MCM10: variants seen among roughly 807,000 people sequenced by gnomAD.
MCM10 encodes the protein minichromosome maintenance 10 replication initiation factor.
Under a neutral mutation model 109.9 loss-of-function variants are expected in MCM10, and 91 were observed. The observed-to-expected ratio is 0.83, with a 90% CI of 0.70 to 0.99. The LOEUF is 0.99. MCM10 is among the 50% of genes least tolerant of loss of function. The probability of loss-of-function intolerance (pLI) is 0.00; values close to 1 mark genes in which losing one functional copy is unlikely to be tolerated. For synonymous variants in MCM10, 380 were observed against 387.2 expected (o/e 0.98, Z 0.22); for missense variants, 1,077 against 1,061.2 (o/e 1.01, Z -0.21).
intron 14 of MCM10, among the ~76,000 whole-genome samples, chr10:13,196,633 C>G (rs983350258): frequency 2.6e-5 from 4 of 152,104 alleles, no homozygotes; most frequent in African/African-American, 9.7e-5. Context: ...TTGCCTCAGC[C>G]TCCCGAATTG....
intron 15 of MCM10, 88 bp downstream of exon 15, chr10:13,197,855 A>G (rs1003932053): frequency 3.0e-6 from 4 of 1,329,424 alleles, no homozygotes; most frequent in Non-Finnish European, 4.1e-6. Flanking sequence ...CCAGATATCA[A>G]GCAATTACTT....
Position 13,204,222 on chromosome 10 carries a change from G to A in MCM10, c.2356G>A (p.Ala786Thr), listed in dbSNP as rs759917882. 1.3e-5 allele frequency: 21 copies of A among 1,613,970 alleles called. No individual in the cohort carries two copies. Among genetic ancestry groups the A allele is most frequent in the Middle Eastern group, 1.7e-4 (1 of 6,006 alleles). ...KCRVVTCKTC[A>T]YTHFKLLETC... ...GGTTTTTTGTTGCTCTGTGCAGTGCGCCTATACCCACTTCAAGCTGCTGGA... is the reference window on the plus strand; with the variant it reads ...GGTTTTTTGTTGCTCTGTGCAGTGCACCTATACCCACTTCAAGCTGCTGGA... The change falls in exon 18 of 20, where the codon GCC (alanine) becomes ACC (threonine). Residue 786 changes from alanine to threonine, a missense_variant. Ala to Thr is a moderately conservative substitution (Grantham distance 58). Transcript: ENST00000378714.
At chr10:13,176,549 C>G (rs1365594901) in intron 6 of MCM10, among the ~76,000 whole-genome samples, 1 of 152,154 alleles carries the variant, frequency 6.6e-6, no homozygotes, top group African/African-American at 2.4e-5. Context: ...CTGCTAAGCT[C>G]TTAAAGTATA....
rs56184428 is a variant in MCM10 at position 13,167,585 on chromosome 10, C to CGGG, written c.8-3331_8-3329dup. ...TAACAGTAGAGATGGAGGGGAGGACCGGGGGGGGCATGCATGATACACATA... is the reference window on the plus strand; with the variant it reads ...TAACAGTAGAGATGGAGGGGAGGACCGGGGGGGGGGGCATGCATGATACACATA... On this transcript the variant is annotated intron_variant, in intron 2 of 19. Coordinates refer to ENST00000378714, the MANE Select transcript of MCM10 (RefSeq NM_018518.5). Among the ~76,000 whole-genome samples, 155 of 145,448 alleles carry CGGG rather than the reference C, an allele frequency of 1.1e-3. 1 individual carries two copies. The highest frequency in any genetic ancestry group is 1.9e-3 in the Non-Finnish European group (124 of 67,016).
chr10:13,207,379 G>A (rs1886278), intron 18 of MCM10, among the ~76,000 whole-genome samples: 4 of 151,700 alleles, frequency 2.6e-5, no homozygotes, highest in African/African-American at 4.8e-5. Context: ...ATCATTGATC[G>A]ACATATAGGC....
rs1160176532 is a variant in MCM10, at chr10:13,182,591, C to T, written c.931-342C>T. On this transcript the variant is annotated intron_variant, in intron 7 of 19. Transcript: ENST00000378714. The surrounding 1 kb of genome is among the most constrained non-coding windows in gnomAD (Gnocchi z 4.2). ...TGGTACTGTCATACCTTCCACTGTC[C>T]TTTTAATGATGTGTGTGTGTGTCTC... Among the ~76,000 whole-genome samples, 1 of 152,004 alleles carries T rather than the reference C, an allele frequency of 6.6e-6. No homozygotes were observed. Among genetic ancestry groups the T allele is most frequent in the Non-Finnish European group, 1.5e-5 (1 of 67,996 alleles).
chr10:13,189,524 TGATG>T (rs1834320053), intron 10 of MCM10, among the ~76,000 whole-genome samples: 1 of 152,168 alleles, frequency 6.6e-6, no homozygotes, highest in Non-Finnish European at 1.5e-5. Context: ...GGTTTCACCA[TGATG>T]GCCAGGCTGG....
chr10:13,190,649 G>A (rs946366560), intron 10 of MCM10, among the ~76,000 whole-genome samples: 1 of 151,922 alleles, frequency 6.6e-6, no homozygotes, highest in African/African-American at 2.4e-5. Flanking sequence ...TTGCTCCACT[G>A]TACTCCAGGC....
chr10:13,200,739 C>T (rs1483207672), intron 16 of MCM10, among the ~76,000 whole-genome samples: 2 of 152,260 alleles, frequency 1.3e-5, no homozygotes, highest in Non-Finnish European at 2.9e-5. Context: ...CCTGGAATAC[C>T]TTGTGTATGT....
rs749460339 is a variant in MCM10 at position 13,188,861 on chromosome 10, C to A, written c.1216-20C>A. ...CAGCCTGTTGCCCTCATCCTGATGC[C>A]ACTGCTCTGCCTTTTGCAGCGTGAC... On this transcript the variant is annotated intron_variant, in intron 9 of 19. Coordinates refer to ENST00000378714, the MANE Select transcript of MCM10 (RefSeq NM_018518.5). The A allele has an allele frequency of 6.2e-7, 1 of 1,610,972 alleles. No individual in the cohort carries two copies. The highest frequency in any genetic ancestry group is 8.5e-7 in the Non-Finnish European group (1 of 1,177,222).
chr10:13,209,073 C>G lies in MCM10; in HGVS notation c.2499-18C>G, dbSNP rs1206633597. ...GCCTACACCACCCTGCTGAGTAAAT[C>G]CATCTGTTCTGTTTCAGTAACTGTG... On this transcript the variant is annotated intron_variant, in intron 18 of 19. Coordinates refer to ENST00000378714, the MANE Select transcript of MCM10 (RefSeq NM_018518.5). The G allele has an allele frequency of 4.4e-6, 7 of 1,602,882 alleles. No homozygotes were observed. The highest frequency in any genetic ancestry group is 6.0e-6 in the Non-Finnish European group (7 of 1,169,876).
At chr10:13,188,714 C>T (rs1379699941) in intron 9 of MCM10, among the ~76,000 whole-genome samples, 167 bp from the exon 10 acceptor site, 1 of 152,162 alleles carries the variant, frequency 6.6e-6, no homozygotes, top group Non-Finnish European at 1.5e-5. Context: ...AACTTCTTCC[C>T]CTCAGGGACT....
At position 13,171,148 on chromosome 10, in the gene MCM10, TG is replaced by T. The variant is rs2131558198; in HGVS notation, c.236del (p.Gly79GlufsTer6). 25 of 1,614,202 alleles carry T rather than the reference TG, an allele frequency of 1.5e-5. No individual in the cohort carries two copies. The highest frequency in any genetic ancestry group is 2.1e-5 in the Non-Finnish European group (25 of 1,180,030). ...DEKENLATLF[G>X]DMEDLTDEEE... ...AAAAGGAAAATCTGGCCACTCTCTT[TG>T]GAGATATGGAGGACTTAACAGATGA... On this transcript the variant is annotated frameshift_variant, in exon 3 of 20. Coordinates refer to ENST00000378714, the MANE Select transcript of MCM10 (RefSeq NM_018518.5). LOFTEE classifies it high-confidence loss of function.
At chr10:13,184,858 T>C (rs539517995) in intron 8 of MCM10, among the ~76,000 whole-genome samples, 2 of 152,292 alleles carry the variant, frequency 1.3e-5, no homozygotes, top group African/African-American at 4.8e-5. Context: ...TGCCAGTTTC[T>C]TGGAGAGGAA....
In MCM10 at chr10:13,171,232, C is replaced by G. The variant is rs138949311; in HGVS notation, c.318C>G (p.Pro106=). ...ATAGGGTCCTCCCTGCTCCTGCCCCCAGGCGAGAGAAAACGAATGAAGAGT... is the reference window on the plus strand; with the variant it reads ...ATAGGGTCCTCCCTGCTCCTGCCCCGAGGCGAGAGAAAACGAATGAAGAGT... The part of the protein sequence containing the change: ...TENRVLPAPA[P]RREKTNEELQ... The change falls in exon 3 of 20, where the codon CCC becomes CCG. Residue 106 remains proline, a synonymous_variant. Transcript: ENST00000378714. The G allele has an allele frequency of 1.9e-3, 3,131 of 1,612,024 alleles. 84 individuals carry two copies. The South Asian group carries it at 0.032, about 17-fold the overall frequency.
At position 13,182,250 on chromosome 10, in the gene MCM10, G is replaced by T. The variant is rs1241682475; in HGVS notation, c.931-683G>T. On this transcript the variant is annotated intron_variant, in intron 7 of 19. Coordinates refer to ENST00000378714, the MANE Select transcript of MCM10 (RefSeq NM_018518.5). The surrounding 1 kb of genome is among the most constrained non-coding windows in gnomAD (Gnocchi z 4.2). ...ACGCTTTGAGAGGATGGGGTGGGAGGATCACTTGAGCCCAGGAATTCATGA... is the reference window on the plus strand; with the variant it reads ...ACGCTTTGAGAGGATGGGGTGGGAGTATCACTTGAGCCCAGGAATTCATGA... Among the ~76,000 whole-genome samples the T allele has an allele frequency of 6.6e-6, 1 of 152,022 alleles. No homozygotes were observed.
intron 6 of MCM10, among the ~76,000 whole-genome samples, chr10:13,180,207 C>T (rs11258233): frequency 0.16 from 24,240 of 151,548 alleles, 2,446 homozygotes; most frequent in Non-Finnish European, 0.23. Context: ...GCCAAAATTG[C>T]GCCACTGCAC....
chr10:13,183,240 T>G (rs1039489455), intron 8 of MCM10, 140 bp downstream of exon 8: 72 of 909,630 alleles, frequency 7.9e-5, no homozygotes, highest in Non-Finnish European at 1.8e-5. Flanking sequence ...GAGGATCACT[T>G]GAGCCCAGGA....
intron 2 of MCM10, among the ~76,000 whole-genome samples, chr10:13,170,673 GT>G (rs200325167): frequency 1.5e-4 from 22 of 151,278 alleles, no homozygotes; most frequent in African/African-American, 4.4e-4. Context: ...GTAGGTTTTT[GT>G]TTTTTTTGTT....
Sources: allele counts gnomAD v4.1 joint callset (sites outside exome capture counted in the v4.1 genomes callset), GRCh38; gene constraint gnomAD v4.1.1; non-coding constraint Gnocchi (gnomAD v3.1); transcripts MANE v1.5; gene names NCBI Gene and HGNC (gene_info 2026-07-23, HGNC 2026-07-21).